FAM53A: variants seen among roughly 807,000 people sequenced by gnomAD.
FAM53A encodes the protein protein FAM53A.
A neutral mutation model predicts 26.6 loss-of-function variants in FAM53A; 28 were observed. The observed-to-expected ratio is 1.05, with a 90% confidence interval of 0.78 to 1.45. The LOEUF is 1.45. Ranked by LOEUF, FAM53A falls within the 40% of genes most tolerant of loss-of-function variation. The pLI, the probability that FAM53A is intolerant of heterozygous loss-of-function variation, is 0.00. For missense variants in FAM53A, 650 were observed against 575.8 expected (o/e 1.13, Z -1.32); for synonymous variants, 290 against 253.1 (o/e 1.15, Z -1.38).
chr4:1,593,138 A>C, the FAM53A span, among the ~76,000 whole-genome samples: 3 of 152,148 alleles, frequency 2.0e-5, no homozygotes, highest in Non-Finnish European at 4.4e-5. Flanking sequence ...GGTGGCGGCC[A>C]GAGAGGCACC....
chr4:1,673,991 G>A (rs923396682), intron 1 of FAM53A, among the ~76,000 whole-genome samples: 20 of 152,260 alleles, frequency 1.3e-4, no homozygotes, highest in African/African-American at 3.4e-4. Context: ...GCGTTAGTCA[G>A]GTCATCACCG....
chr4:1,578,204 C>G, the FAM53A span, among the ~76,000 whole-genome samples: 1 of 152,188 alleles, frequency 6.6e-6, no homozygotes, highest in Non-Finnish European at 1.5e-5. Context: ...TTGTTTTGTG[C>G]CAGTCTATTG....
At chr4:1,600,128 C>T in the FAM53A span, among the ~76,000 whole-genome samples, 1 of 152,112 alleles carries the variant, frequency 6.6e-6, no homozygotes, top group Non-Finnish European at 1.5e-5. Context: ...TCAGCTGAGC[C>T]GAGGTGGGGG....
chr4:1,677,681 G>A (rs993940041), intron 1 of FAM53A, among the ~76,000 whole-genome samples: 1 of 152,148 alleles, frequency 6.6e-6, no homozygotes, highest in South Asian at 2.1e-4. Context: ...TCAACACGCT[G>A]TCTCACTGCA....
the FAM53A span, among the ~76,000 whole-genome samples, chr4:1,586,006 G>A: frequency 6.6e-6 from 1 of 152,076 alleles, no homozygotes; most frequent in African/African-American, 2.4e-5. Context: ...CAAAGTGCTG[G>A]GATTATAGGC....
At position 1,653,136 on chromosome 4, in the gene FAM53A, C is replaced by T. The variant is rs531036364; in HGVS notation, c.882+1842G>A. ...TACACACACCACACAGCACATAGCA[C>T]GTGTGCCACACACACACCACACAGC... is the stretch of plus-strand genomic sequence containing the variant. On this transcript the variant is annotated intron_variant, in intron 4 of 4. Transcript: ENST00000308132. 6.2e-3 allele frequency among the ~76,000 whole-genome samples: 945 copies of T among 151,928 alleles called. 12 individuals are homozygous for T. The highest frequency in any genetic ancestry group is 0.021 in the African/African-American group (884 of 41,384).
chr4:1,610,802 C>T, the FAM53A span, among the ~76,000 whole-genome samples: 2 of 152,110 alleles, frequency 1.3e-5, no homozygotes, highest in Non-Finnish European at 2.9e-5. Context: ...GCCAGACGCC[C>T]CCATCTGCCC....
the FAM53A span, among the ~76,000 whole-genome samples, chr4:1,592,868 C>G: frequency 6.6e-6 from 1 of 152,194 alleles, no homozygotes; most frequent in Non-Finnish European, 1.5e-5. Context: ...GCCCCCCAGA[C>G]ACGGGCCCCG....
the FAM53A span, among the ~76,000 whole-genome samples, chr4:1,604,929 C>T: frequency 6.6e-6 from 1 of 152,126 alleles, no homozygotes; most frequent in Non-Finnish European, 1.5e-5. Flanking sequence ...TCTGGCCCTG[C>T]CCCCCTCCTG....
chr4:1,578,459 TGA>T, the FAM53A span, among the ~76,000 whole-genome samples: 8 of 151,252 alleles, frequency 5.3e-5, no homozygotes, highest in African/African-American at 1.2e-4. Context: ...AGCGTTGGCG[TGA>T]GAGCCGGTGT....
At chr4:1,576,201 C>A in the FAM53A span, among the ~76,000 whole-genome samples, 1 of 152,232 alleles carries the variant, frequency 6.6e-6, no homozygotes, top group East Asian at 1.9e-4. Context: ...CCCATTTAAT[C>A]TCGCGCCTAT....
chr4:1,679,905 T>C (rs1715298415), intron 1 of FAM53A, among the ~76,000 whole-genome samples: 1 of 148,728 alleles, frequency 6.7e-6, no homozygotes, highest in Admixed American at 6.7e-5. Context: ...AAAATTTAGC[T>C]GGGCATGATG....
At chr4:1,654,107 C>G (rs1481029676) in intron 4 of FAM53A, among the ~76,000 whole-genome samples, 1 of 152,200 alleles carries the variant, frequency 6.6e-6, no homozygotes, top group East Asian at 1.9e-4. Context: ...TGATCCCGCC[C>G]CACCCTAGCC....
At chr4:1,682,407 C>T (rs1164488841) in intron 1 of FAM53A, among the ~76,000 whole-genome samples, 1 of 151,768 alleles carries the variant, frequency 6.6e-6, no homozygotes, top group African/African-American at 2.4e-5. Context: ...GGATTACAGG[C>T]ACGCACCACC....
chr4:1,601,365 C>T, the FAM53A span, among the ~76,000 whole-genome samples: 3 of 113,126 alleles, frequency 2.7e-5, 1 homozygote, highest in Non-Finnish European at 6.5e-5. Flanking sequence ...GACACACCAC[C>T]CTCAAGGGCC....
chr4:1,639,852 GA>G (rs1711526534), downstream of FAM53A: 1 of 152,224 alleles, frequency 6.6e-6, no homozygotes, highest in East Asian at 1.9e-4. Flanking sequence ...ATTGTATTGA[GA>G]AAAAAACAAG....
chr4:1,617,769 G>A (rs973495994), downstream of FAM53A: 4 of 227,584 alleles, frequency 1.8e-5, no homozygotes, highest in Non-Finnish European at 2.7e-5. Context: ...ATTCCTGAAC[G>A]GTCTTCTCAC....
the FAM53A span, among the ~76,000 whole-genome samples, chr4:1,576,360 C>T: frequency 1.3e-5 from 2 of 152,202 alleles, no homozygotes; most frequent in Admixed American, 6.5e-5. Flanking sequence ...CGCAGAGAAT[C>T]GCGGGCTAAA....
the FAM53A span, among the ~76,000 whole-genome samples, chr4:1,588,557 T>C: frequency 2.0e-5 from 3 of 152,262 alleles, no homozygotes; most frequent in East Asian, 3.9e-4. Context: ...CAGGTCCACA[T>C]GGTCAGGAAA....
Sources: gnomAD v4.1 joint callset for allele counts (sites outside exome capture counted in the v4.1 genomes callset) on GRCh38, gnomAD v4.1.1 for gene constraint, MANE v1.5 for transcripts, NCBI Gene and HGNC (gene_info 2026-07-23, HGNC 2026-07-21) for gene names.